TMEM144: variants seen among roughly 807,000 people sequenced by gnomAD.
TMEM144 encodes the protein transmembrane protein 144.
Under a neutral mutation model 43.6 loss-of-function variants are expected in TMEM144, and 39 were observed. The observed-to-expected ratio is 0.90, with a 90% confidence interval of 0.69 to 1.17. The LOEUF (loss-of-function observed/expected upper bound fraction) is 1.17, where lower values mean the gene tolerates loss of function less well. TMEM144 is among the 50% of genes most tolerant of loss of function. The pLI is 0.00. For synonymous variants in TMEM144, 154 were observed against 133.6 expected (o/e 1.15, Z -1.06); for missense variants, 417 against 411.9 (o/e 1.01, Z -0.11).
At chr4:158,250,135 A>C (rs1736121182) in intron 12 of TMEM144, among the ~76,000 whole-genome samples, 1 of 149,944 alleles carries the variant, frequency 6.7e-6, no homozygotes, top group African/African-American at 2.4e-5. Flanking sequence ...GAAGAAAGGG[A>C]ACATATATAT....
rs371327189 is a variant in TMEM144, at chr4:158,222,037, A to G, written c.413+2647A>G. ...CAGTCATTCAAATTCAAAACCTGTC[A>G]TCTTTATTTTTTTCCCTTTATATGC... On this transcript the variant is annotated intron_variant, in intron 6 of 12. Transcript: ENST00000296529. 2.0e-5 allele frequency among the ~76,000 whole-genome samples: 3 copies of G among 152,310 alleles called. No homozygotes were observed. In the East Asian group the frequency reaches 5.8e-4, roughly 29 times the overall value.
chr4:158,230,501 A>G (rs1317164225), intron 6 of TMEM144, among the ~76,000 whole-genome samples: 1 of 152,198 alleles, frequency 6.6e-6, no homozygotes, highest in Non-Finnish European at 1.5e-5. Flanking sequence ...TTAGAAAAAC[A>G]CACAGGTCTA....
At chr4:158,244,882 C>T (rs1321797053) in intron 12 of TMEM144, among the ~76,000 whole-genome samples, 2 of 152,128 alleles carry the variant, frequency 1.3e-5, no homozygotes, top group African/African-American at 4.8e-5. Flanking sequence ...TCTCTCTCCA[C>T]CCCATCTCCA....
intron 12 of TMEM144, among the ~76,000 whole-genome samples, chr4:158,250,195 C>CATATAT (rs5863314): frequency 0.03 from 4,006 of 134,844 alleles, 128 homozygotes; most frequent in Non-Finnish European, 0.047. Flanking sequence ...TAATACATAA[C>CATATAT]ATATATATAT....
chr4:158,229,543 G>A (rs775664254), intron 6 of TMEM144, among the ~76,000 whole-genome samples: 1 of 152,012 alleles, frequency 6.6e-6, no homozygotes, highest in African/African-American at 2.4e-5. Flanking sequence ...GGTGAGCTTC[G>A]CTGGGGGGAA....
chr4:158,231,596 T>G (rs1735080786), intron 6 of TMEM144, among the ~76,000 whole-genome samples: 1 of 152,056 alleles, frequency 6.6e-6, no homozygotes, highest in Non-Finnish European at 1.5e-5. Flanking sequence ...AAGGGGAAGT[T>G]TTTTTTTAAA....
chr4:158,213,378 C>G (rs1734060643), intron 3 of TMEM144: 1 of 152,170 alleles, frequency 6.6e-6, no homozygotes, highest in Admixed American at 6.5e-5. Context: ...TTTGGATGCT[C>G]ACTTCCAGGA....
intron 12 of TMEM144, among the ~76,000 whole-genome samples, chr4:158,248,034 CTGTT>C (rs1320998909): frequency 2.6e-5 from 2 of 76,174 alleles, no homozygotes; most frequent in African/African-American, 4.8e-5. Flanking sequence ...AAGAAAATGA[CTGTT>C]TGCTCTTTTC....
chr4:158,229,204 T>C (rs1734935470), intron 6 of TMEM144, among the ~76,000 whole-genome samples: 1 of 152,120 alleles, frequency 6.6e-6, no homozygotes, highest in Non-Finnish European at 1.5e-5. Flanking sequence ...CTTTTCTGAG[T>C]ATAAAACAAT....
intron 11 of TMEM144, among the ~76,000 whole-genome samples, 153 bp from the exon 12 acceptor site, chr4:158,244,143 C>T (rs1174749826): frequency 6.6e-6 from 1 of 152,004 alleles, no homozygotes; most frequent in African/African-American, 2.4e-5. Context: ...TACTTAATAT[C>T]ACCTAAAGTT....
chr4:158,231,810 C>T (rs933463538), intron 6 of TMEM144, among the ~76,000 whole-genome samples: 2 of 151,878 alleles, frequency 1.3e-5, no homozygotes, highest in African/African-American at 2.4e-5. Flanking sequence ...GAACATAATG[C>T]AGAGAGCCAT....
intron 6 of TMEM144, among the ~76,000 whole-genome samples, chr4:158,221,074 T>C (rs1204490574): frequency 6.6e-6 from 1 of 152,208 alleles, no homozygotes; most frequent in African/African-American, 2.4e-5. Flanking sequence ...ATTAAAATTA[T>C]TGCTTCTATC....
intron 11 of TMEM144, among the ~76,000 whole-genome samples, chr4:158,242,766 T>C (rs1735692514): frequency 6.6e-6 from 1 of 152,198 alleles, no homozygotes; most frequent in Non-Finnish European, 1.5e-5. Flanking sequence ...CAGCTTAATC[T>C]TAAGATAGGA....
chr4:158,240,856 T>C (rs1735599471), intron 10 of TMEM144, among the ~76,000 whole-genome samples: 1 of 152,228 alleles, frequency 6.6e-6, no homozygotes, highest in Non-Finnish European at 1.5e-5. Flanking sequence ...AAAAGACATA[T>C]GTTAAACATA....
At chr4:158,215,374 TCAC>T in intron 4 of TMEM144, 61 bp downstream of exon 4, 2 of 1,573,148 alleles carry the variant, frequency 1.3e-6, no homozygotes, top group South Asian at 2.3e-5. Flanking sequence ...TAATTCTCGT[TCAC>T]AATAGGAGGA....
intron 12 of TMEM144, among the ~76,000 whole-genome samples, chr4:158,249,932 GTT>G (rs1491566314): frequency 8.1e-6 from 1 of 123,524 alleles, no homozygotes; most frequent in East Asian, 2.6e-4. Flanking sequence ...GTGTGTGTGT[GTT>G]TAAATAAGCT....
intron 12 of TMEM144, among the ~76,000 whole-genome samples, chr4:158,249,304 C>G (rs1736059691): frequency 6.6e-6 from 1 of 152,212 alleles, no homozygotes; most frequent in African/African-American, 2.4e-5. Flanking sequence ...TACCAACACA[C>G]TTTAGTCAGT....
chr4:158,242,531 A>G (rs1329813743), intron 11 of TMEM144, among the ~76,000 whole-genome samples: 2 of 152,208 alleles, frequency 1.3e-5, no homozygotes. Context: ...ATCAGAATAC[A>G]TTTTAAATAT....
At chr4:158,219,535 GT>G in intron 6 of TMEM144, 145 bp downstream of exon 6, 3 of 857,550 alleles carry the variant, frequency 3.5e-6, no homozygotes, top group Non-Finnish European at 5.3e-6. Context: ...ACAATGACTG[GT>G]TTTAGAGGAC....
Sources: gnomAD v4.1 joint callset for allele counts (sites outside exome capture counted in the v4.1 genomes callset) on GRCh38, gnomAD v4.1.1 for gene constraint, MANE v1.5 for transcripts, NCBI Gene and HGNC (gene_info 2026-07-23, HGNC 2026-07-21) for gene names.